RNF8: variants seen among roughly 807,000 people sequenced by gnomAD.
RNF8 encodes the protein E3 ubiquitin-protein ligase RNF8.
A neutral mutation model predicts 59.3 loss-of-function variants in RNF8; 8 were observed. The ratio of observed to expected loss-of-function variants is 0.13; its 90% CI spans 0.08 to 0.24. RNF8 has a LOEUF of 0.24. Among genes scored for constraint, RNF8 ranks in the 10% least tolerant of loss-of-function variants. The probability of loss-of-function intolerance (pLI) is 1.00; values close to 1 mark genes in which losing one functional copy is unlikely to be tolerated. For synonymous variants in RNF8, 162 were observed against 200.0 expected (o/e 0.81, Z 1.60); for missense variants, 406 against 572.6 (o/e 0.71, Z 2.97).
intron 2 of RNF8, among the ~76,000 whole-genome samples, chr6:37,366,309 A>C (rs1434367606): frequency 6.6e-6 from 1 of 152,106 alleles, no homozygotes; most frequent in Non-Finnish European, 1.5e-5. Flanking sequence ...ACTTTTTCTG[A>C]GACCTTTTTC....
rs1480675743 is a variant in RNF8, at chr6:37,354,149, C to T, written c.-16C>T. ...GGTCTCGCTCGGTGCTGACCGCCCC[C>T]GGGGTCGAGTAGGCGATGGGGGAGC... is the stretch of plus-strand genomic sequence containing the variant. On this transcript the variant is annotated 5_prime_UTR_variant, in exon 1 of 8. Coordinates refer to ENST00000373479, the MANE Select transcript of RNF8 (RefSeq NM_003958.4). 6 of 1,562,808 alleles carry T rather than the reference C, an allele frequency of 3.8e-6. No individual in the cohort carries two copies. The East Asian group carries it at 7.2e-5, about 19-fold the overall frequency.
intron 1 of RNF8, among the ~76,000 whole-genome samples, chr6:37,359,009 T>C (rs1053533150): frequency 6.6e-6 from 1 of 152,090 alleles, no homozygotes; most frequent in Non-Finnish European, 1.5e-5. Flanking sequence ...GGCAGGAGAA[T>C]TGCTTGAACC....
Position 37,393,209 on chromosome 6 carries a change from T to C in RNF8, c.*2451T>C, listed in dbSNP as rs545913707. 6.6e-6 allele frequency: 1 copy of C among 152,384 alleles called. No homozygotes were observed. Among genetic ancestry groups the C allele is most frequent in the South Asian group, 2.1e-4 (1 of 4,830 alleles). The allele number at this position is 152,384 out of a possible 1,614,324, so 9.4% of individuals were successfully genotyped here. On this transcript the variant is annotated 3_prime_UTR_variant, in exon 8 of 8. Transcript: ENST00000373479. ...GAATCTTGGCCCTGCTGTTAGTAAC[T>C]GTGTGAGCCTTGGGCAAGTTACTCA...
intron 7 of RNF8, among the ~76,000 whole-genome samples, chr6:37,387,191 G>A (rs1770540380): frequency 6.6e-6 from 1 of 152,136 alleles, no homozygotes; most frequent in South Asian, 2.1e-4. Context: ...TACTGCTATG[G>A]TTCTTAAGAA....
At chr6:37,354,395 A>G (rs1769030237) in intron 1 of RNF8, 120 bp downstream of exon 1, 8 of 761,762 alleles carry the variant, frequency 1.1e-5, no homozygotes, top group Non-Finnish European at 1.6e-5. Context: ...GGCATCAGGA[A>G]GAGGAGCGAA....
chr6:37,365,320 C>T (rs930982323), intron 2 of RNF8, among the ~76,000 whole-genome samples: 25 of 152,100 alleles, frequency 1.6e-4, no homozygotes, highest in African/African-American at 6.0e-4. Flanking sequence ...AAGTAGTTGC[C>T]TGGGAATGCG....
At chr6:37,373,811 C>T (rs1365980639) in intron 4 of RNF8, among the ~76,000 whole-genome samples, 2 of 151,990 alleles carry the variant, frequency 1.3e-5, no homozygotes, top group African/African-American at 4.8e-5. Context: ...TTTTTTTTGT[C>T]AGGAGATCAC....
At chr6:37,366,410 A>C (rs989181540) in intron 2 of RNF8, among the ~76,000 whole-genome samples, 2 of 152,134 alleles carry the variant, frequency 1.3e-5, no homozygotes, top group Admixed American at 1.3e-4. Flanking sequence ...TATTTCTCAT[A>C]TGTTGTTTCA....
chr6:37,359,304 C>A, intron 1 of RNF8: 1 of 406,484 alleles, frequency 2.5e-6, no homozygotes, highest in Non-Finnish European at 4.8e-6. Context: ...ATATGTACTC[C>A]AATGCAAAGA....
At chr6:37,361,284 C>A (rs1463358636) in intron 2 of RNF8, 1 of 454,586 alleles carries the variant, frequency 2.2e-6, no homozygotes, top group African/African-American at 2.0e-5. Context: ...TGTGCTATGC[C>A]ATTCTGGTGT....
intron 4 of RNF8, among the ~76,000 whole-genome samples, chr6:37,373,880 CCTT>C (rs1377564488): frequency 6.6e-6 from 1 of 152,164 alleles, no homozygotes; most frequent in African/African-American, 2.4e-5. Flanking sequence ...CTTTACTCCA[CCTT>C]CTTTTAAAAA....
At chr6:37,373,372 A>C (rs1383160125) in intron 4 of RNF8, among the ~76,000 whole-genome samples, 1 of 152,166 alleles carries the variant, frequency 6.6e-6, no homozygotes, top group African/African-American at 2.4e-5. Context: ...TTTCTTATGA[A>C]CACTGAGGGA....
At chr6:37,378,986 G>A (rs1209169700) in intron 6 of RNF8, among the ~76,000 whole-genome samples, 5 of 152,032 alleles carry the variant, frequency 3.3e-5, no homozygotes, top group Non-Finnish European at 5.9e-5. Flanking sequence ...CTTAAAATTC[G>A]TCTCAGAAAT....
At chr6:37,389,054 A>T (rs1449329836) in intron 7 of RNF8, among the ~76,000 whole-genome samples, 1 of 152,102 alleles carries the variant, frequency 6.6e-6, no homozygotes. Flanking sequence ...ACCAGATTGA[A>T]ATAATATTTG....
In RNF8 at chr6:37,368,514, C is replaced by T. The variant is rs372903665; in HGVS notation, c.271C>T (p.Arg91Cys). 4.3e-6 allele frequency: 7 copies of T among 1,613,968 alleles called. No homozygotes were observed. The highest frequency in any genetic ancestry group is 1.3e-5 in the African/African-American group (1 of 74,890). Residue 91 changes from arginine to cysteine, a missense_variant, in exon 3 of 8, where the codon CGT (arginine) becomes TGT (cysteine). Coordinates refer to ENST00000373479, the MANE Select transcript of RNF8 (RefSeq NM_003958.4). ...AAATGGTGTTTGGCTGAACAGAGCG[C>T]GTCTGGAACCTTTAAGGGTCTATTC... is the stretch of plus-strand genomic sequence containing the variant. ...SLNGVWLNRA[R>C]LEPLRVYSIH...
chr6:37,354,361 T>G, intron 1 of RNF8, 86 bp downstream of exon 1: 1 of 1,050,958 alleles, frequency 9.5e-7, no homozygotes, highest in Non-Finnish European at 1.3e-6. Flanking sequence ...CTTGCTGGGC[T>G]GAATGAATGG....
intron 6 of RNF8, among the ~76,000 whole-genome samples, chr6:37,380,847 T>C (rs1014401678): frequency 2.0e-5 from 3 of 151,868 alleles, no homozygotes; most frequent in African/African-American, 7.3e-5. Flanking sequence ...TGTGACTGGC[T>C]AATATTCGTA....
intron 4 of RNF8, among the ~76,000 whole-genome samples, chr6:37,372,858 A>G (rs1246975809): frequency 6.6e-6 from 1 of 152,176 alleles, no homozygotes; most frequent in East Asian, 1.9e-4. Flanking sequence ...AATCCCAGCT[A>G]TTCAGGAGGC....
At chr6:37,355,435 A>G (rs930036049) in intron 1 of RNF8, among the ~76,000 whole-genome samples, 3 of 152,182 alleles carry the variant, frequency 2.0e-5, no homozygotes, top group South Asian at 2.1e-4. Flanking sequence ...TTGGTGTACA[A>G]TGAGGACAAA....
Sources: gnomAD v4.1 joint callset for allele counts (sites outside exome capture counted in the v4.1 genomes callset) on GRCh38, gnomAD v4.1.1 for gene constraint, MANE v1.5 for transcripts, NCBI Gene and HGNC (gene_info 2026-07-23, HGNC 2026-07-21) for gene names.